LOC128092253: variants seen among roughly 807,000 people sequenced by gnomAD.
the LOC128092253 span, among the ~76,000 whole-genome samples, chr6:133,961,336 C>A: frequency 6.6e-6 from 1 of 152,136 alleles, no homozygotes; most frequent in Admixed American, 6.6e-5. Context: ...GTCTGCAGTT[C>A]AGTAGACACT....
the LOC128092253 span, among the ~76,000 whole-genome samples, chr6:133,954,116 C>G: frequency 6.6e-6 from 1 of 152,164 alleles, no homozygotes; most frequent in Admixed American, 6.5e-5. Flanking sequence ...AAAAGAAAAT[C>G]TCTCCTGCCG....
the LOC128092253 span, among the ~76,000 whole-genome samples, chr6:133,975,183 C>T: frequency 4.0e-5 from 6 of 151,738 alleles, no homozygotes; most frequent in African/African-American, 1.2e-4. Flanking sequence ...GCAAGATTGA[C>T]GAGAGCAATA....
chr6:133,964,744 G>A, the LOC128092253 span, among the ~76,000 whole-genome samples: 2 of 152,008 alleles, frequency 1.3e-5, no homozygotes, highest in Non-Finnish European at 2.9e-5. Context: ...CACCATGCCC[G>A]GCCGAACTCT....
chr6:133,969,131 A>G, the LOC128092253 span, among the ~76,000 whole-genome samples: 1 of 152,200 alleles, frequency 6.6e-6, no homozygotes, highest in African/African-American at 2.4e-5. Context: ...ATGAGAATGT[A>G]AACCATTGAA....
the LOC128092253 span, among the ~76,000 whole-genome samples, chr6:133,962,214 G>T: frequency 6.6e-6 from 1 of 152,190 alleles, no homozygotes; most frequent in Non-Finnish European, 1.5e-5. Context: ...AAGGCAAGCA[G>T]ATGAGATTCT....
chr6:133,960,934 T>C, the LOC128092253 span, among the ~76,000 whole-genome samples: 1 of 152,228 alleles, frequency 6.6e-6, no homozygotes, highest in Admixed American at 6.5e-5. Flanking sequence ...ATAATTCTTT[T>C]CTTACATCAG....
chr6:133,962,820 G>T, the LOC128092253 span, among the ~76,000 whole-genome samples: 30 of 152,188 alleles, frequency 2.0e-4, no homozygotes, highest in Non-Finnish European at 1.9e-4. Context: ...TACAATTTCA[G>T]GGGGTTCCTA....
the LOC128092253 span, among the ~76,000 whole-genome samples, chr6:133,979,334 A>C: frequency 9.8e-5 from 15 of 152,320 alleles, no homozygotes; most frequent in Non-Finnish European, 1.8e-4. Flanking sequence ...ACTCTGCTTG[A>C]AATAGAAGTA....
the LOC128092253 span, among the ~76,000 whole-genome samples, chr6:133,958,284 T>TA: frequency 1.3e-5 from 2 of 152,250 alleles, no homozygotes; most frequent in Admixed American, 1.3e-4. Context: ...TAGAAGGCAC[T>TA]ATTTTTTACT....
At chr6:133,957,367 G>A in the LOC128092253 span, among the ~76,000 whole-genome samples, 1 of 152,206 alleles carries the variant, frequency 6.6e-6, no homozygotes, top group Admixed American at 6.5e-5. Flanking sequence ...GACATATGTG[G>A]ATGATTTCAG....
the LOC128092253 span, chr6:133,980,033 G>T: frequency 1.1e-4 from 144 of 1,271,772 alleles, no homozygotes; most frequent in Middle Eastern, 7.1e-4. Context: ...TGTGAAAAGT[G>T]AATTAACAAC....
At chr6:133,966,298 A>G in the LOC128092253 span, among the ~76,000 whole-genome samples, 1 of 152,304 alleles carries the variant, frequency 6.6e-6, no homozygotes, top group Admixed American at 6.5e-5. Flanking sequence ...GGAGACTATA[A>G]ATAGGAAACA....
At chr6:133,956,578 T>C in the LOC128092253 span, among the ~76,000 whole-genome samples, 1 of 152,242 alleles carries the variant, frequency 6.6e-6, no homozygotes, top group African/African-American at 2.4e-5. Context: ...TCATATTGTA[T>C]GTCCCTGCCC....
At chr6:133,960,822 G>C in the LOC128092253 span, among the ~76,000 whole-genome samples, 1 of 152,278 alleles carries the variant, frequency 6.6e-6, no homozygotes, top group African/African-American at 2.4e-5. Flanking sequence ...ACATGGGTGA[G>C]TTAGAACCCT....
At chr6:133,968,036 GT>G in the LOC128092253 span, among the ~76,000 whole-genome samples, 1 of 149,120 alleles carries the variant, frequency 6.7e-6, no homozygotes, top group Admixed American at 6.7e-5. Context: ...TTGAGACAGA[GT>G]CTTGCTTTGT....
chr6:133,954,266 GT>G, the LOC128092253 span, among the ~76,000 whole-genome samples: 1 of 152,214 alleles, frequency 6.6e-6, no homozygotes, highest in Non-Finnish European at 1.5e-5. Context: ...ATGAGCTTCT[GT>G]ATTTAGGGTT....
the LOC128092253 span, among the ~76,000 whole-genome samples, chr6:133,962,958 C>A: frequency 6.6e-6 from 1 of 152,094 alleles, no homozygotes; most frequent in Non-Finnish European, 1.5e-5. Flanking sequence ...CTTCAGAATC[C>A]AGGGATAGGA....
At chr6:133,956,934 A>G in the LOC128092253 span, among the ~76,000 whole-genome samples, 1 of 152,214 alleles carries the variant, frequency 6.6e-6, no homozygotes, top group African/African-American at 2.4e-5. Context: ...CTACATAGAC[A>G]AATTTGATTT....
the LOC128092253 span, among the ~76,000 whole-genome samples, chr6:133,963,990 G>A: frequency 1.9e-4 from 29 of 152,200 alleles, no homozygotes; most frequent in East Asian, 4.8e-3. Context: ...GCAATGAGCC[G>A]AGATCGTGAC....
Sources: allele counts gnomAD v4.1 joint callset (sites outside exome capture counted in the v4.1 genomes callset), GRCh38; gene constraint gnomAD v4.1.1; transcripts MANE v1.5.